The following ATOSA variants were observed in gnomAD, a reference collection of about 807,000 sequenced individuals.
The protein encoded by ATOSA is atos homolog A.
At chr15:52,647,370 A>C in the ATOSA span, among the ~76,000 whole-genome samples, 1 of 152,252 alleles carries the variant, frequency 6.6e-6, no homozygotes, top group Non-Finnish European at 1.5e-5. Flanking sequence ...TGGTCAGTTG[A>C]AAGAAGCTGA....
At chr15:52,652,132 C>T in the ATOSA span, 15 of 1,271,654 alleles carry the variant, frequency 1.2e-5, no homozygotes, top group East Asian at 8.1e-5. Flanking sequence ...CTCCCCTGCT[C>T]GCTAGGTCCA....
the ATOSA span, among the ~76,000 whole-genome samples, chr15:52,592,817 CATT>C: frequency 6.6e-6 from 1 of 152,156 alleles, no homozygotes; most frequent in African/African-American, 2.4e-5. Context: ...TCCATTAAGA[CATT>C]AGCGTGAGTC....
chr15:52,709,436 C>T, the ATOSA span, among the ~76,000 whole-genome samples: 2 of 152,152 alleles, frequency 1.3e-5, no homozygotes, highest in Non-Finnish European at 2.9e-5. Flanking sequence ...AGCTCTAATT[C>T]TACCATCTCT....
chr15:52,632,675 A>G, the ATOSA span, among the ~76,000 whole-genome samples: 7 of 152,242 alleles, frequency 4.6e-5, no homozygotes, highest in East Asian at 1.9e-4. Context: ...GTTGACAAGT[A>G]TATTTTAAAA....
At chr15:52,601,226 T>G in the ATOSA span, 1 of 999,942 alleles carries the variant, frequency 1.0e-6, no homozygotes, top group African/African-American at 1.7e-5. Context: ...TTTCTTGAAT[T>G]GATAAAACAC....
chr15:52,673,304 A>C, the ATOSA span, among the ~76,000 whole-genome samples: 1 of 152,354 alleles, frequency 6.6e-6, no homozygotes, highest in East Asian at 1.9e-4. Context: ...GTTTTCCTCA[A>C]GTATTTTTAA....
chr15:52,645,734 C>T, the ATOSA span, among the ~76,000 whole-genome samples: 3 of 152,170 alleles, frequency 2.0e-5, no homozygotes, highest in Non-Finnish European at 4.4e-5. Flanking sequence ...TGAAGACTCT[C>T]AAGTAGAAAA....
chr15:52,678,283 C>T, the ATOSA span: 2 of 598,888 alleles, frequency 3.3e-6, no homozygotes, highest in Admixed American at 2.9e-5. Flanking sequence ...TCCCCCATCT[C>T]CTCCGGATCG....
At chr15:52,582,025 A>G in the ATOSA span, 20 of 701,644 alleles carry the variant, frequency 2.9e-5, no homozygotes, top group Admixed American at 8.4e-5. Context: ...GAATCCTTTC[A>G]TAAAAACTGG....
At chr15:52,602,743 T>C in the ATOSA span, among the ~76,000 whole-genome samples, 71 of 152,282 alleles carry the variant, frequency 4.7e-4, no homozygotes, top group African/African-American at 1.7e-3. Flanking sequence ...ATTTTCCCCC[T>C]CTCTCATTTA....
the ATOSA span, chr15:52,581,715 C>G: frequency 6.5e-6 from 1 of 153,182 alleles, no homozygotes; most frequent in Non-Finnish European, 1.5e-5. Context: ...CTTAAATGAA[C>G]AGCACTTAAC....
chr15:52,650,326 T>C, the ATOSA span, among the ~76,000 whole-genome samples: 1 of 152,206 alleles, frequency 6.6e-6, no homozygotes. Context: ...TATTTTGCTA[T>C]AATTTTTATA....
At chr15:52,698,050 T>C in the ATOSA span, among the ~76,000 whole-genome samples, 1 of 140,010 alleles carries the variant, frequency 7.1e-6, no homozygotes, top group African/African-American at 2.7e-5. Flanking sequence ...GGTCTCGGCT[T>C]ACTGCAACCT....
At chr15:52,625,048 G>A in the ATOSA span, among the ~76,000 whole-genome samples, 3 of 152,004 alleles carry the variant, frequency 2.0e-5, no homozygotes, top group Non-Finnish European at 4.4e-5. Flanking sequence ...CAAAGTGCTC[G>A]AATTACAGGT....
the ATOSA span, chr15:52,587,232 GA>G: frequency 6.2e-7 from 1 of 1,610,240 alleles, no homozygotes; most frequent in Non-Finnish European, 8.5e-7. Context: ...TGAAATAAAA[GA>G]AGACAAATTG....
the ATOSA span, among the ~76,000 whole-genome samples, chr15:52,687,369 C>G: frequency 3.1e-4 from 47 of 152,254 alleles, no homozygotes; most frequent in African/African-American, 1.1e-3. Context: ...CCAGCCACTG[C>G]ACTCCAGCCT....
At chr15:52,636,106 TTAAAA>T in the ATOSA span, among the ~76,000 whole-genome samples, 6 of 104,802 alleles carry the variant, frequency 5.7e-5, no homozygotes, top group African/African-American at 2.0e-4. Flanking sequence ...AAATATTAAA[TTAAAA>T]TAATAAATTT....
chr15:52,628,089 G>A, the ATOSA span, among the ~76,000 whole-genome samples: 1,562 of 152,188 alleles, frequency 0.01, 25 homozygotes, highest in African/African-American at 0.036. Flanking sequence ...TGAGACATGT[G>A]GGAATTTGGA....
the ATOSA span, chr15:52,649,584 TAA>T: frequency 3.0e-4 from 46 of 152,212 alleles, no homozygotes; most frequent in Admixed American, 2.7e-3. Context: ...CTATTCCTTA[TAA>T]AGAGGCAAAA....
Sources: allele counts gnomAD v4.1 joint callset (sites outside exome capture counted in the v4.1 genomes callset), GRCh38; gene constraint gnomAD v4.1.1; transcripts MANE v1.5; gene names NCBI Gene and HGNC (gene_info 2026-07-23, HGNC 2026-07-21).